AK8: variants seen among roughly 807,000 people sequenced by gnomAD.
AK8 encodes ATP-AMP transphosphorylase 8.
A neutral mutation model predicts 54.6 loss-of-function variants in AK8; 44 were observed. That is an observed-to-expected ratio of 0.81 (90% CI 0.63 to 1.04). The LOEUF (loss-of-function observed/expected upper bound fraction) is 1.04. Ranked by LOEUF, AK8 falls within the 50% of genes least tolerant of loss-of-function variation. The pLI, the probability that AK8 is intolerant of heterozygous loss-of-function variation, is 0.00. For missense variants in AK8, 555 were observed against 613.6 expected (o/e 0.90, Z 1.01); for synonymous variants, 239 against 245.6 (o/e 0.97, Z 0.25).
intron 10 of AK8, among the ~76,000 whole-genome samples, chr9:132,810,842 G>A (rs571559279): frequency 2.0e-5 from 3 of 152,082 alleles, no homozygotes; most frequent in Non-Finnish European, 2.9e-5. Context: ...AAATTATAAC[G>A]TGACTTGAAA....
Position 132,812,380 on chromosome 9 carries a change from A to G in AK8, c.979+2258T>C, listed in dbSNP as rs564590790. 4.0e-5 allele frequency among the ~76,000 whole-genome samples: 6 copies of G among 150,474 alleles called. No individual in the cohort carries two copies. The South Asian group carries it at 1.3e-3, about 32-fold the overall frequency. ...CGAGTAGCTGGGACTACAGGCGCCC[A>G]CCACCACACGTGGCTAATTTTTTTT... On this transcript the variant is annotated intron_variant, in intron 10 of 12. Coordinates refer to ENST00000298545, the MANE Select transcript of AK8 (RefSeq NM_152572.3).
At chr9:132,789,173 T>C (rs1278497088) in intron 11 of AK8, among the ~76,000 whole-genome samples, 2 of 152,154 alleles carry the variant, frequency 1.3e-5, no homozygotes, top group East Asian at 3.9e-4. Context: ...CAGGCACCTG[T>C]AGTCCCAGCT....
At chr9:132,776,900 G>A (rs1443564442) in intron 11 of AK8, among the ~76,000 whole-genome samples, 1 of 152,166 alleles carries the variant, frequency 6.6e-6, no homozygotes, top group Admixed American at 6.5e-5. Flanking sequence ...CATACTTGGG[G>A]CCAAGTTCTA....
chr9:132,745,128 T>G (rs910056224), intron 11 of AK8, among the ~76,000 whole-genome samples: 5 of 152,204 alleles, frequency 3.3e-5, no homozygotes, highest in East Asian at 1.9e-4. Context: ...TCCCCTTCCA[T>G]CTGCTGAAAT....
At chr9:132,795,224 C>T (rs997473784) in intron 10 of AK8, among the ~76,000 whole-genome samples, 5 of 152,186 alleles carry the variant, frequency 3.3e-5, no homozygotes, top group Admixed American at 6.5e-5. Flanking sequence ...CAGAAGGAGT[C>T]GGAGTCAGAG....
At chr9:132,793,778 T>G (rs921504650) in intron 10 of AK8, among the ~76,000 whole-genome samples, 2 of 152,240 alleles carry the variant, frequency 1.3e-5, no homozygotes, top group Admixed American at 6.5e-5. Context: ...TCCTGCACTT[T>G]GCACTCATTT....
chr9:132,744,282 C>T lies in AK8; in HGVS notation c.1122-16748G>A, dbSNP rs758506003. On this transcript the variant is annotated intron_variant, in intron 11 of 12. Coordinates refer to ENST00000298545, the MANE Select transcript of AK8 (RefSeq NM_152572.3). Reference sequence around the variant, plus strand: ...TCCACCACCGTGGTTGTTAAACCCACACTTTAATTACTCCAAAATTATGTT... The same window carrying T: ...TCCACCACCGTGGTTGTTAAACCCATACTTTAATTACTCCAAAATTATGTT... 4.3e-4 allele frequency among the ~76,000 whole-genome samples: 66 copies of T among 152,200 alleles called. 1 individual carries two copies. Among genetic ancestry groups the T allele is most frequent in the Non-Finnish European group, 9.1e-4 (62 of 68,028 alleles).
At chr9:132,873,245 C>T (rs1253351138) in intron 2 of AK8, among the ~76,000 whole-genome samples, 2 of 152,206 alleles carry the variant, frequency 1.3e-5, no homozygotes, top group African/African-American at 4.8e-5. Context: ...AAGCTGCTAC[C>T]CATGATGCAT....
At position 132,791,409 on chromosome 9, in the gene AK8, AG is replaced by A. The variant is rs1451681570; in HGVS notation, c.1121+1224del. Among the ~76,000 whole-genome samples, 4 of 152,252 alleles carry A rather than the reference AG, an allele frequency of 2.6e-5. No individual in the cohort carries two copies. The highest frequency in any genetic ancestry group is 4.4e-5 in the Non-Finnish European group (3 of 68,044). ...AGATGAGATTTGGGTGGGAACACAG[AG>A]CCAAACCATATCACAGATCAATTTG... On this transcript the variant is annotated intron_variant, in intron 11 of 12. Transcript: ENST00000298545. The surrounding 1 kb of genome is among the most constrained non-coding windows in gnomAD (Gnocchi z 4.0).
intron 11 of AK8, among the ~76,000 whole-genome samples, chr9:132,758,931 C>T (rs139938258): frequency 0.011 from 1,633 of 152,064 alleles, 23 homozygotes; most frequent in African/African-American, 0.037. Context: ...GGCATGACAG[C>T]GCATGCCTGT....
chr9:132,784,017 G>A (rs1839587600), intron 11 of AK8, among the ~76,000 whole-genome samples: 1 of 152,108 alleles, frequency 6.6e-6, no homozygotes, highest in African/African-American at 2.4e-5. Flanking sequence ...AAATGAACCA[G>A]AAAAATATTA....
Position 132,878,135 on chromosome 9 carries a change from G to T in AK8, c.84+37C>A. ...ACGTCGCAGTGGAGGCTCCCGAGCC[G>T]CCGCCAGCGTCGCGACGGGCAGGGG... is the stretch of plus-strand genomic sequence containing the variant. On this transcript the variant is annotated intron_variant, in intron 1 of 12. Transcript: ENST00000298545. The surrounding 1 kb of genome is among the most constrained non-coding windows in gnomAD (Gnocchi z 4.7). The T allele has an allele frequency of 1.3e-6, 2 of 1,535,028 alleles. No homozygotes were observed. Among genetic ancestry groups the T allele is most frequent in the African/African-American group, 1.4e-5 (1 of 71,496 alleles).
chr9:132,852,750 A>G (rs576046467), intron 5 of AK8, among the ~76,000 whole-genome samples: 1 of 145,994 alleles, frequency 6.8e-6, no homozygotes, highest in South Asian at 2.3e-4. Flanking sequence ...GGCCTGGGCA[A>G]CAGAGTGAGA....
intron 11 of AK8, among the ~76,000 whole-genome samples, chr9:132,777,473 C>T (rs940619587): frequency 9.2e-5 from 14 of 152,226 alleles, no homozygotes; most frequent in African/African-American, 3.4e-4. Context: ...TGCTGCCTCC[C>T]TGGCTACAGA....
rs779977107 is a variant in AK8, at chr9:132,725,639, G to A, written c.*49C>T. 1.3e-6 allele frequency: 2 copies of A among 1,484,680 alleles called. No homozygotes were observed. Among genetic ancestry groups the A allele is most frequent in the Non-Finnish European group, 1.8e-6 (2 of 1,087,560 alleles). 92.0% of individuals were successfully genotyped at this position (1,484,680 alleles called of 1,614,324 possible). A position where few individuals can be genotyped will look rare whatever the true frequency, so the allele number is the denominator to read the frequency against. On this transcript the variant is annotated 3_prime_UTR_variant, in exon 13 of 13. Transcript: ENST00000298545. ...CTGTGCCGAGGCTGGGGGGCTGGGGGCAGGGGATTAACTCTTTCCCTGGGG... is the reference window on the plus strand; with the variant it reads ...CTGTGCCGAGGCTGGGGGGCTGGGGACAGGGGATTAACTCTTTCCCTGGGG...
At chr9:132,812,548 G>A (rs1365459794) in intron 10 of AK8, among the ~76,000 whole-genome samples, 2 of 152,244 alleles carry the variant, frequency 1.3e-5, no homozygotes, top group South Asian at 2.1e-4. Flanking sequence ...GGGATGACGG[G>A]TGAGCCGCCG....
chr9:132,731,863 C>T (rs1281431941), intron 11 of AK8, among the ~76,000 whole-genome samples: 1 of 152,072 alleles, frequency 6.6e-6, no homozygotes, highest in African/African-American at 2.4e-5. Flanking sequence ...TGCGAGACCC[C>T]GTCTCTGAAA....
chr9:132,838,836 T>C (rs922348443), intron 5 of AK8, among the ~76,000 whole-genome samples: 3 of 152,128 alleles, frequency 2.0e-5, no homozygotes, highest in East Asian at 1.9e-4. Context: ...GAAAACATCA[T>C]AGGACAGTCA....
At chr9:132,795,885 C>T (rs1017836218) in intron 10 of AK8, among the ~76,000 whole-genome samples, 9 of 152,194 alleles carry the variant, frequency 5.9e-5, no homozygotes, top group African/African-American at 9.7e-5. Context: ...TGGTGGATCC[C>T]GCTAATAATC....
Sources: allele counts gnomAD v4.1 joint callset (sites outside exome capture counted in the v4.1 genomes callset), GRCh38; gene constraint gnomAD v4.1.1; non-coding constraint Gnocchi (gnomAD v3.1); transcripts MANE v1.5; gene names NCBI Gene and HGNC (gene_info 2026-07-23, HGNC 2026-07-21).